The following FAM107B variants were observed in gnomAD, a reference collection of about 807,000 sequenced individuals.
The protein encoded by FAM107B is family with sequence similarity 107 member B.
A neutral mutation model predicts 31.5 loss-of-function variants in FAM107B; 21 were observed. The ratio of observed to expected loss-of-function variants is 0.67; its 90% confidence interval spans 0.47 to 0.96. The LOEUF (loss-of-function observed/expected upper bound fraction) is 0.96. Ranked by LOEUF, FAM107B falls within the 40% of genes least tolerant of loss-of-function variation. FAM107B has a pLI of 0.00. For missense variants in FAM107B, 452 were observed against 377.1 expected (o/e 1.20, Z -1.64); for synonymous variants, 157 against 141.5 (o/e 1.11, Z -0.78).
chr10:14,729,709 A>G, intron 1 of FAM107B, among the ~76,000 whole-genome samples: 1 of 152,194 alleles, frequency 6.6e-6, no homozygotes, highest in East Asian at 1.9e-4. Flanking sequence ...AAAGATTATA[A>G]ATCATTCTAC....
At chr10:14,665,146 G>A (rs991437468) in intron 2 of FAM107B, among the ~76,000 whole-genome samples, 1 of 152,304 alleles carries the variant, frequency 6.6e-6, no homozygotes, top group South Asian at 2.1e-4. Flanking sequence ...TGTCAATAAT[G>A]TAAAACCATA....
intron 1 of FAM107B, among the ~76,000 whole-genome samples, chr10:14,675,895 C>G (rs536743807): frequency 6.6e-6 from 1 of 152,146 alleles, no homozygotes; most frequent in Non-Finnish European, 1.5e-5. Context: ...CAGTGAATCA[C>G]GCCTGGAATC....
At position 14,561,650 on chromosome 10, in the gene FAM107B, T is replaced by C. The variant is rs1405079142; in HGVS notation, c.470-31135A>G. ...TGTGGTCATGGCAATACAATGATAA[T>C]AACACTCCTCATTCCTTATTTAGAT... On this transcript the variant is annotated intron_variant, in intron 2 of 4. Transcript: ENST00000181796. 2.6e-5 allele frequency among the ~76,000 whole-genome samples: 4 copies of C among 152,292 alleles called. No individual in the cohort carries two copies. In the East Asian group the frequency reaches 7.7e-4, roughly 29 times the overall value.
chr10:14,743,780 G>C (rs752769739), intron 1 of FAM107B, among the ~76,000 whole-genome samples: 1 of 152,188 alleles, frequency 6.6e-6, no homozygotes, highest in Non-Finnish European at 1.5e-5. Flanking sequence ...TTTGAAGTCA[G>C]GTAGCATGAT....
rs542450273 is a variant in FAM107B at position 14,758,281 on chromosome 10, G to A, written c.411+15972C>T. The stretch of plus-strand genomic sequence containing the variant: ...TTTTCCTTAAGGAATTTAGAAAATT[G>A]CGAGGATAACGGAAGCTGTTGCATG... On this transcript the variant is annotated intron_variant, in intron 1 of 4. Coordinates refer to ENST00000181796, the MANE Select transcript of FAM107B (RefSeq NM_031453.4). Among the ~76,000 whole-genome samples the A allele has an allele frequency of 7.9e-5, 12 of 152,222 alleles. No individual in the cohort carries two copies. The South Asian group carries it at 2.5e-3, about 32-fold the overall frequency.
intron 1 of FAM107B, among the ~76,000 whole-genome samples, chr10:14,770,576 G>A (rs894142341): frequency 1.3e-5 from 2 of 152,016 alleles, no homozygotes; most frequent in Non-Finnish European, 2.9e-5. Context: ...GCTGAATTTC[G>A]TTGAGTCTAC....
At chr10:14,588,128 A>G (rs1169860043) in intron 2 of FAM107B, among the ~76,000 whole-genome samples, 1 of 152,188 alleles carries the variant, frequency 6.6e-6, no homozygotes. Context: ...AGAGGATATA[A>G]ATAGGCGGTT....
chr10:14,592,621 C>T (rs1309226586), intron 2 of FAM107B, among the ~76,000 whole-genome samples: 1 of 152,190 alleles, frequency 6.6e-6, no homozygotes, highest in African/African-American at 2.4e-5. Context: ...GCATAAAGTG[C>T]ATGCATTACA....
chr10:14,667,245 T>TA (rs1311339845), intron 2 of FAM107B, among the ~76,000 whole-genome samples: 2 of 152,056 alleles, frequency 1.3e-5, no homozygotes, highest in East Asian at 1.9e-4. Context: ...TACACAAACA[T>TA]AAAAAAAACC....
intron 1 of FAM107B, among the ~76,000 whole-genome samples, chr10:14,675,931 G>C (rs1380750739): frequency 6.6e-6 from 1 of 152,198 alleles, no homozygotes; most frequent in Non-Finnish European, 1.5e-5. Flanking sequence ...GCCAAGGTAA[G>C]AGGATCGCTT....
chr10:14,590,210 G>A (rs1265063636), intron 2 of FAM107B, among the ~76,000 whole-genome samples: 1 of 152,198 alleles, frequency 6.6e-6, no homozygotes, highest in Non-Finnish European at 1.5e-5. Context: ...AGACCTCTCT[G>A]ACAACAGAAG....
intron 2 of FAM107B, among the ~76,000 whole-genome samples, chr10:14,630,128 G>A (rs7919117): frequency 0.05 from 7,543 of 151,966 alleles, 325 homozygotes; most frequent in African/African-American, 0.12. Flanking sequence ...CTTAGATCTC[G>A]GGGCAAGAAT....
At chr10:14,754,844 T>C (rs76586821) in intron 1 of FAM107B, among the ~76,000 whole-genome samples, 5 of 152,372 alleles carry the variant, frequency 3.3e-5, no homozygotes, top group Admixed American at 2.6e-4. Context: ...ATTTTCCTTA[T>C]TGCAATCCAT....
At chr10:14,556,527 G>T in intron 2 of FAM107B, 2 of 505,516 alleles carry the variant, frequency 4.0e-6, no homozygotes, top group African/African-American at 2.1e-5. Flanking sequence ...AAAGCCGTGC[G>T]CAACGTTTAG....
At chr10:14,553,276 G>A in intron 2 of FAM107B, 2 of 1,090,202 alleles carry the variant, frequency 1.8e-6, no homozygotes, top group Non-Finnish European at 2.4e-6. Context: ...CATGATGAAA[G>A]CTGAGGAATA....
At chr10:14,573,699 C>T (rs1046410389) in intron 2 of FAM107B, among the ~76,000 whole-genome samples, 1 of 152,018 alleles carries the variant, frequency 6.6e-6, no homozygotes. Flanking sequence ...AGCTGCATCA[C>T]CCCACTGCAC....
intron 1 of FAM107B, among the ~76,000 whole-genome samples, chr10:14,769,149 C>T (rs1833245499): frequency 6.6e-6 from 1 of 152,190 alleles, no homozygotes; most frequent in African/African-American, 2.4e-5. Flanking sequence ...CAGGGAGTCT[C>T]TATTCTCTCA....
chr10:14,661,038 C>G (rs1854224968), intron 2 of FAM107B, among the ~76,000 whole-genome samples: 1 of 152,132 alleles, frequency 6.6e-6, no homozygotes, highest in African/African-American at 2.4e-5. Context: ...GTAGCACCTT[C>G]CACTTCGCCC....
chr10:14,681,362 C>T (rs1211650261), intron 1 of FAM107B, among the ~76,000 whole-genome samples: 1 of 152,174 alleles, frequency 6.6e-6, no homozygotes, highest in Non-Finnish European at 1.5e-5. Flanking sequence ...CTCTCTTTTC[C>T]TCAATCTCTC....
Sources: allele counts gnomAD v4.1 joint callset (sites outside exome capture counted in the v4.1 genomes callset), GRCh38; gene constraint gnomAD v4.1.1; transcripts MANE v1.5; gene names NCBI Gene and HGNC (gene_info 2026-07-23, HGNC 2026-07-21).